Variants in UBA7 observed in about 807,000 individuals in gnomAD.
UBA7 encodes the protein ubiquitin-like modifier-activating enzyme 7.
In UBA7, 88 loss-of-function variants were observed where a neutral mutation model predicts 113.0. The observed-to-expected ratio is 0.78, with a 90% CI of 0.66 to 0.93. The LOEUF (loss-of-function observed/expected upper bound fraction) is 0.93. Among genes scored for constraint, UBA7 ranks in the 40% least tolerant of loss-of-function variants. The pLI, the probability that UBA7 is intolerant of heterozygous loss-of-function variation, is 0.00. For missense variants in UBA7, 1,092 were observed against 1,266.4 expected (o/e 0.86, Z 2.09); for synonymous variants, 459 against 513.0 (o/e 0.89, Z 1.42).
chr3:49,807,761 A>T lies in UBA7; in HGVS notation c.2690T>A (p.Met897Lys), dbSNP rs758738535. ...HLAENYLIRY[M>K]PFAPAIQTFH... ...CGTCTGGATGGCTGGGGCAAAAGGCATATAGCGGATGAGGTAGTTTTCAGC... is the reference window on the plus strand; with the variant it reads ...CGTCTGGATGGCTGGGGCAAAAGGCTTATAGCGGATGAGGTAGTTTTCAGC... The change falls in exon 21 of 24, where the codon ATG (methionine) becomes AAG (lysine). Residue 897 changes from methionine to lysine, a missense_variant. Around this residue, in one of 3 missense-constraint regions of UBA7, gnomAD observed 500 missense variants for 529.3 expected, o/e 0.94. Coordinates refer to ENST00000333486, the MANE Select transcript of UBA7 (RefSeq NM_003335.3). The surrounding 1 kb of genome is among the most constrained non-coding windows in gnomAD (Gnocchi z 4.0). The T allele has an allele frequency of 1.9e-6, 3 of 1,612,266 alleles. No homozygotes were observed. Among genetic ancestry groups the T allele is most frequent in the Non-Finnish European group, 2.5e-6 (3 of 1,179,268 alleles).
At chr3:49,806,283 TG>T (rs2081450745) in intron 21 of UBA7, 118 bp from the exon 22 acceptor site, 3 of 507,470 alleles carry the variant, frequency 5.9e-6, no homozygotes, top group Non-Finnish European at 1.1e-5. Flanking sequence ...AGCCAGGGGG[TG>T]GGGGGTGGGG....
At chr3:49,811,591 T>C (rs1240042510) in intron 8 of UBA7, 136 bp from the exon 9 acceptor site, 2 of 1,315,510 alleles carry the variant, frequency 1.5e-6, no homozygotes, top group East Asian at 5.0e-5. Flanking sequence ...CTGGCCCTGC[T>C]GCCAGCCTGC....
chr3:49,805,985 A>G lies in UBA7; in HGVS notation c.2821T>C (p.Leu941=), dbSNP rs1180155788. ...LLAHLQEQHG[L]RVRILLHGSA... is the part of the protein sequence containing the mutation. The stretch of plus-strand genomic sequence containing the variant: ...CCGTGCAGCAGGATCCTCACCCTCA[A>G]CCCGTGCTGCTCCTAGAGGAGAAAG... Residue 941 remains leucine, a synonymous_variant, in exon 23 of 24, where the codon TTG becomes CTG. Coordinates refer to ENST00000333486, the MANE Select transcript of UBA7 (RefSeq NM_003335.3). 2 of 1,566,418 alleles carry G rather than the reference A, an allele frequency of 1.3e-6. No homozygotes were observed. Among genetic ancestry groups the G allele is most frequent in the East Asian group, 4.7e-5 (2 of 42,116 alleles).
rs781372162 is a variant in UBA7, at chr3:49,813,046, A to G, written c.467+16T>C. ...CTGGCTGTAATATGGTAGGCTGGGC[A>G]GGCAGTCTTACTCACCCCACGAGGC... On this transcript the variant is annotated intron_variant, in intron 4 of 23. Coordinates refer to ENST00000333486, the MANE Select transcript of UBA7 (RefSeq NM_003335.3). The G allele has an allele frequency of 2.5e-6, 4 of 1,609,414 alleles. No homozygotes were observed. Among genetic ancestry groups the G allele is most frequent in the African/African-American group, 2.7e-5 (2 of 74,872 alleles).
At chr3:49,808,776 G>T (rs918775416) in intron 18 of UBA7, among the ~76,000 whole-genome samples, 200 bp downstream of exon 18, 5 of 152,154 alleles carry the variant, frequency 3.3e-5, no homozygotes, top group African/African-American at 9.7e-5. Context: ...TGGGATGTGG[G>T]GTAGGCAGCA....
chr3:49,812,574 C>T (rs373490028), intron 5 of UBA7, 31 bp from the exon 6 acceptor site: 2 of 1,613,956 alleles, frequency 1.2e-6, no homozygotes, highest in African/African-American at 2.7e-5. Flanking sequence ...CTCAGGGTTG[C>T]CTGGACCTGC....
At chr3:49,805,873 G>A in intron 23 of UBA7, 24 bp downstream of exon 23, 1 of 1,547,464 alleles carries the variant, frequency 6.5e-7, no homozygotes, top group Non-Finnish European at 8.7e-7. Flanking sequence ...GGTGGGGCCT[G>A]TCTAAAGCCC....
chr3:49,808,305 G>A, intron 19 of UBA7, 81 bp downstream of exon 19: 4 of 1,575,824 alleles, frequency 2.5e-6, no homozygotes, highest in Non-Finnish European at 3.5e-6. Flanking sequence ...AGGCCAAGGG[G>A]CTCCAAAACT....
rs745670122 is a variant in UBA7, at chr3:49,813,698, C to A, written c.56+34G>T. On this transcript the variant is annotated intron_variant, in intron 1 of 23. Coordinates refer to ENST00000333486, the MANE Select transcript of UBA7 (RefSeq NM_003335.3). Reference sequence around the variant, plus strand: ...CAGTTGTAGATCAAGGTCTGAAGACCATCCCACTCTCCACCCCCCACCTCG... The same window carrying A: ...CAGTTGTAGATCAAGGTCTGAAGACAATCCCACTCTCCACCCCCCACCTCG... 16 of 1,614,228 alleles carry A rather than the reference C, an allele frequency of 9.9e-6. 1 individual carries two copies. In the South Asian group the frequency reaches 1.8e-4, roughly 18 times the overall value.
Position 49,813,188 on chromosome 3 carries a change from A to T in UBA7, c.361-20T>A. The T allele has an allele frequency of 6.2e-7, 1 of 1,613,816 alleles. No individual in the cohort carries two copies. Among genetic ancestry groups the T allele is most frequent in the South Asian group, 1.1e-5 (1 of 91,034 alleles). On this transcript the variant is annotated intron_variant, in intron 3 of 23. Coordinates refer to ENST00000333486, the MANE Select transcript of UBA7 (RefSeq NM_003335.3). ...CACCACCTGGGTGGACACAGTGATC[A>T]GCAGGGCCAAAACCATTGCCCAGCC... is the stretch of plus-strand genomic sequence containing the variant.
In UBA7 at chr3:49,810,715, C is replaced by A; in HGVS notation, c.1311+37G>T. Reference sequence around the variant, plus strand: ...CTTAGCCAGAGGGGCTGGGCTGGCTCTCCCAAAGGCACCCCCAGTCTCACC... The same window carrying A: ...CTTAGCCAGAGGGGCTGGGCTGGCTATCCCAAAGGCACCCCCAGTCTCACC... On this transcript the variant is annotated intron_variant, in intron 11 of 23. Coordinates refer to ENST00000333486, the MANE Select transcript of UBA7 (RefSeq NM_003335.3). This position sits in a 1 kb window ranked among gnomAD's most constrained non-coding sequence, Gnocchi z 5.6. 1 of 1,614,122 alleles carries A rather than the reference C, an allele frequency of 6.2e-7. No homozygotes were observed. The highest frequency in any genetic ancestry group is 8.5e-7 in the Non-Finnish European group (1 of 1,179,980).
chr3:49,806,016 A>ACCC lies in UBA7; in HGVS notation c.2809-20_2809-19insGGG. 6.4e-7 allele frequency: 1 copy of ACCC among 1,567,368 alleles called. No homozygotes were observed. Among genetic ancestry groups the ACCC allele is most frequent in the Non-Finnish European group, 8.7e-7 (1 of 1,155,942 alleles). The stretch of plus-strand genomic sequence containing the variant: ...GCTGCTCCTAGAGGAGAAAGGTCAG[A>ACCC]CACCAGCTGGGCCGGGCTGGGCTGA... On this transcript the variant is annotated intron_variant, in intron 22 of 23. Transcript: ENST00000333486.
At position 49,813,197 on chromosome 3, in the gene UBA7, A is replaced by C. The variant is rs1218989326; in HGVS notation, c.361-29T>G. 1.9e-6 allele frequency: 3 copies of C among 1,613,608 alleles called. No homozygotes were observed. The Middle Eastern group carries it at 5.0e-4, about 266-fold the overall frequency. On this transcript the variant is annotated intron_variant, in intron 3 of 23. Transcript: ENST00000333486. ...GGTGGACACAGTGATCAGCAGGGCC[A>C]AAACCATTGCCCAGCCCTTCCTGCT...
rs148120883 is a variant in UBA7 at position 49,810,246 on chromosome 3, C to T, written c.1633+17G>A. 7,359 of 1,613,450 alleles carry T rather than the reference C, an allele frequency of 4.6e-3. 18 individuals carry two copies. The highest frequency in any genetic ancestry group is 8.5e-3 in the African/African-American group (636 of 75,022). On this transcript the variant is annotated intron_variant, in intron 13 of 23. Transcript: ENST00000333486. This position sits in a 1 kb window ranked among gnomAD's most constrained non-coding sequence, Gnocchi z 5.6. ...CAGCTGTGGGCAAGGGACTGACCTC[C>T]GAAGTCAAGCACTCACGGGCCTGGA...
Position 49,813,858 on chromosome 3 carries a change from G to A in UBA7, c.-71C>T. On this transcript the variant is annotated 5_prime_UTR_variant, in exon 1 of 24. Transcript: ENST00000333486. ...GGTCTTTGTGTAGGTGGCGGTGACA[G>A]TAGGGGCCAGTGCCCTGCTGTAGCC... is the stretch of plus-strand genomic sequence containing the variant. 1.9e-6 allele frequency: 3 copies of A among 1,569,210 alleles called. No individual in the cohort carries two copies. The South Asian group carries it at 3.4e-5, about 18-fold the overall frequency.
rs1405368181 is a variant in UBA7 at position 49,807,879 on chromosome 3, C to T, written c.2572G>A (p.Ala858Thr). Residue 858 changes from alanine to threonine, a missense_variant, in exon 21 of 24, where the codon GCA (alanine) becomes ACA (threonine). By Grantham distance (58) the Ala-to-Thr change is moderately conservative (BLOSUM62 0). Coordinates refer to ENST00000333486, the MANE Select transcript of UBA7 (RefSeq NM_003335.3). This position sits in a 1 kb window ranked among gnomAD's most constrained non-coding sequence, Gnocchi z 4.0. ...AGGCCCAACAGGCCTGCCACAGCTG[C>T]TGTAGTGGTGGCAATGGCTGGGATA... is the stretch of plus-strand genomic sequence containing the variant. ...QIIPAIATTT[A>T]AVAGLLGLEL... is the part of the protein sequence containing the mutation. 1.2e-6 allele frequency: 2 copies of T among 1,613,390 alleles called. No individual in the cohort carries two copies. Among genetic ancestry groups the T allele is most frequent in the African/African-American group, 1.3e-5 (1 of 74,924 alleles).
At position 49,813,125 on chromosome 3, in the gene UBA7, A is replaced by AC; in HGVS notation, c.403dup (p.Val135GlyfsTer7). The stretch of plus-strand genomic sequence containing the variant: ...TCCATGCTTATGACACAAGGTGCCC[A>AC]CCTTCAGCTGCTCCTCCAGCTTTGC... On this transcript the variant is annotated frameshift_variant, in exon 4 of 24. Transcript: ENST00000333486. LOFTEE classifies it high-confidence loss of function. 1 of 1,614,142 alleles carries AC rather than the reference A, an allele frequency of 6.2e-7. No individual in the cohort carries two copies. The highest frequency in any genetic ancestry group is 8.5e-7 in the Non-Finnish European group (1 of 1,180,014).
Position 49,811,344 on chromosome 3 carries a change from G to C in UBA7, c.1051C>G (p.Leu351Val), listed in dbSNP as rs750240348. 6 of 1,614,088 alleles carry C rather than the reference G, an allele frequency of 3.7e-6. No homozygotes were observed. The Admixed American group carries it at 5.0e-5, about 13-fold the overall frequency. Residue 351 changes from leucine (L) to valine (V), a missense_variant, in exon 9 of 24, where the codon CTA (leucine) becomes GTA (valine). Leu to Val is a conservative substitution (Grantham distance 32). Transcript: ENST00000333486. Reference protein sequence around the residue: ...LDEALVRTVALSSAGVLSPMV... With the variant: ...LDEALVRTVAVSSAGVLSPMV... The stretch of plus-strand genomic sequence containing the variant: ...GGGCTCAAGACACCTGCACTGCTTA[G>C]GGCGACTGTCCGCACTAGGGCCTCA...
intron 6 of UBA7, 66 bp downstream of exon 6, chr3:49,812,342 C>A: frequency 6.2e-7 from 1 of 1,611,578 alleles, no homozygotes; most frequent in East Asian, 2.2e-5. Context: ...TCCCAAGGGC[C>A]AGGCTGTGCT....
Sources: allele counts gnomAD v4.1 joint callset (sites outside exome capture counted in the v4.1 genomes callset), GRCh38; gene constraint gnomAD v4.1.1; regional missense constraint gnomAD v4.1.1; non-coding constraint Gnocchi (gnomAD v3.1); transcripts MANE v1.5; gene names NCBI Gene and HGNC (gene_info 2026-07-23, HGNC 2026-07-21).